ANKAR: variants seen among roughly 807,000 people sequenced by gnomAD.
The protein encoded by ANKAR is ankyrin and armadillo repeat-containing protein.
Under a neutral mutation model 146.2 loss-of-function variants are expected in ANKAR, and 136 were observed. The observed-to-expected ratio is 0.93, with a 90% confidence interval of 0.81 to 1.07. The LOEUF (loss-of-function observed/expected upper bound fraction) is 1.07, where lower values mean the gene tolerates loss of function less well. ANKAR is among the 50% of genes least tolerant of loss of function. The probability of loss-of-function intolerance (pLI) is 0.00; values close to 1 mark genes in which losing one functional copy is unlikely to be tolerated. For synonymous variants in ANKAR, 500 were observed against 575.8 expected, an observed-to-expected ratio of 0.87 and a Z score of 1.88; for missense variants, 1,567 against 1,679.9, an observed-to-expected ratio of 0.93 and a Z score of 1.18.
chr2:189,736,952 T>TG (rs1316874247), intron 17 of ANKAR, among the ~76,000 whole-genome samples: 1 of 151,852 alleles, frequency 6.6e-6, no homozygotes, highest in Non-Finnish European at 1.5e-5. Context: ...CACACGCCTT[T>TG]GGTCTTAGCT....
intron 19 of ANKAR, among the ~76,000 whole-genome samples, chr2:189,740,629 CATTG>C (rs1158237091): frequency 5.3e-5 from 8 of 152,022 alleles, no homozygotes; most frequent in Admixed American, 4.6e-4. Context: ...ATAAGCAATA[CATTG>C]ATTGATTTTA....
chr2:189,713,805 G>A (rs2040030943), intron 10 of ANKAR, among the ~76,000 whole-genome samples: 1 of 152,170 alleles, frequency 6.6e-6, no homozygotes, highest in Non-Finnish European at 1.5e-5. Flanking sequence ...CCAATTAAAA[G>A]ACACGGACTG....
intron 12 of ANKAR, among the ~76,000 whole-genome samples, chr2:189,723,501 G>A (rs2041536030): frequency 6.6e-6 from 1 of 152,076 alleles, no homozygotes; most frequent in African/African-American, 2.4e-5. Context: ...GTTTCAAACT[G>A]AGAAAAACTT....
chr2:189,681,750 ATGAGCTTGGGGC>A (rs2034727384), intron 2 of ANKAR, among the ~76,000 whole-genome samples: 1 of 152,156 alleles, frequency 6.6e-6, no homozygotes, highest in South Asian at 2.1e-4. Flanking sequence ...GAGGTATTCA[ATGAGCTTGGGGC>A]TGCAGCAATT....
rs17271239 is a variant in ANKAR at position 189,689,736 on chromosome 2, A to G, written c.811A>G (p.Asn271Asp). 0.016 allele frequency: 25,749 copies of G among 1,612,962 alleles called. 287 individuals are homozygous for G. Among genetic ancestry groups the G allele is most frequent in the Non-Finnish European group, 0.018 (21,122 of 1,179,132 alleles). ...ATTTGAAACAGGCTATTGGCTTACT[A>G]ATGCTATAAAATATAATCAGGATTA... ...FIFETGYWLT[N>D]AIKYNQDYLD... is the part of the protein sequence containing the mutation. The change falls in exon 3 of 23, where the codon AAT becomes GAT. Residue 271 changes from asparagine (N) to aspartate (D), a missense_variant. By Grantham distance (23) the Asn-to-Asp change is conservative (BLOSUM62 1). Coordinates refer to ENST00000684021, the MANE Select transcript of ANKAR (RefSeq NM_001378068.1).
chr2:189,738,485 A>AC (rs2043048508), intron 18 of ANKAR, 80 bp from the exon 19 acceptor site: 5 of 882,014 alleles, frequency 5.7e-6, no homozygotes, highest in East Asian at 5.0e-5. Context: ...TAAAAAAAAA[A>AC]CATAAAAAAT....
Position 189,677,101 on chromosome 2 carries a change from T to G in ANKAR, c.601+10T>G, listed in dbSNP as rs1424622068. The G allele has an allele frequency of 6.7e-7, 1 of 1,487,296 alleles. No homozygotes were observed. Among genetic ancestry groups the G allele is most frequent in the African/African-American group, 1.4e-5 (1 of 70,182 alleles). 92.1% of individuals were successfully genotyped at this position (1,487,296 alleles called of 1,614,324 possible). ...GAGTTTAGTTCAGCAGGTAAGAGAA[T>G]TTAACACTTCTTAAATTTTTTTTTT... is the stretch of plus-strand genomic sequence containing the variant. On this transcript the variant is annotated intron_variant, in intron 2 of 22. Coordinates refer to ENST00000684021, the MANE Select transcript of ANKAR (RefSeq NM_001378068.1).
At chr2:189,753,845 G>A in intron 18 of ANKAR, 1 of 1,506,800 alleles carries the variant, frequency 6.6e-7, no homozygotes, top group Non-Finnish European at 9.0e-7. Context: ...CTAAACACAA[G>A]GTCAAGGTCT....
At chr2:189,718,939 C>T (rs1259312810) in intron 10 of ANKAR, among the ~76,000 whole-genome samples, 1 of 150,940 alleles carries the variant, frequency 6.6e-6, no homozygotes, top group African/African-American at 2.4e-5. Flanking sequence ...TTAGTAGAGA[C>T]GGGGTTTCAC....
intron 8 of ANKAR, among the ~76,000 whole-genome samples, chr2:189,705,800 G>T (rs2038852266): frequency 6.6e-6 from 1 of 151,998 alleles, no homozygotes; most frequent in African/African-American, 2.4e-5. Context: ...TTTTAGCTGC[G>T]GATCAGTATT....
chr2:189,728,349 T>G lies in ANKAR; in HGVS notation c.2960T>G (p.Met987Arg), dbSNP rs1243289607. 18 of 1,613,326 alleles carry G rather than the reference T, an allele frequency of 1.1e-5. No homozygotes were observed. Among genetic ancestry groups the G allele is most frequent in the African/African-American group, 2.7e-5 (2 of 74,932 alleles). Residue 987 changes from methionine to arginine, a missense_variant, in exon 14 of 23, where the codon ATG becomes AGG. Coordinates refer to ENST00000684021, the MANE Select transcript of ANKAR (RefSeq NM_001378068.1). ...AGQTLKQQKY[M>R]AEQIGYSFII... ...CAAACACTAAAACAACAAAAATATA[T>G]GGCAGAACAAATTGGATACAGCTTT...
intron 18 of ANKAR, among the ~76,000 whole-genome samples, chr2:189,751,790 A>G (rs1239526604): frequency 1.3e-5 from 2 of 149,700 alleles, no homozygotes; most frequent in African/African-American, 4.9e-5. Context: ...TGTTCAAAAT[A>G]TAATTATTTA....
chr2:189,694,250 T>A (rs1478403004), intron 5 of ANKAR, among the ~76,000 whole-genome samples: 1 of 151,962 alleles, frequency 6.6e-6, no homozygotes, highest in Non-Finnish European at 1.5e-5. Context: ...AATACTGTAT[T>A]TACAGCAATA....
At chr2:189,710,764 T>A (rs766806867) in intron 9 of ANKAR, among the ~76,000 whole-genome samples, 5 of 152,148 alleles carry the variant, frequency 3.3e-5, no homozygotes, top group Non-Finnish European at 5.9e-5. Flanking sequence ...ATCATGCCAT[T>A]GCACTCCAGC....
chr2:189,696,398 T>C (rs1360275178), intron 7 of ANKAR, 29 bp downstream of exon 7: 1 of 1,590,476 alleles, frequency 6.3e-7, no homozygotes, highest in Non-Finnish European at 8.6e-7. Flanking sequence ...ACCTAAAATG[T>C]TGTTATTTTA....
chr2:189,730,549 C>T lies in ANKAR; in HGVS notation c.3248C>T (p.Ala1083Val). Residue 1083 changes from alanine (A) to valine (V), a missense_variant, in exon 16 of 23, where the codon GCC (alanine) becomes GTC (valine). Transcript: ENST00000684021. ...VSQQLVVDEN[A>V]FPVLIQLLRN... ...CAACAATTGGTTGTAGATGAAAATG[C>T]CTTTCCAGTACTTATCCAACTACTA... 1.2e-6 allele frequency: 2 copies of T among 1,605,190 alleles called. No individual in the cohort carries two copies. Among genetic ancestry groups the T allele is most frequent in the Non-Finnish European group, 1.7e-6 (2 of 1,175,016 alleles).
intron 2 of ANKAR, among the ~76,000 whole-genome samples, chr2:189,684,891 C>T (rs1276508734): frequency 2.0e-5 from 3 of 151,614 alleles, no homozygotes; most frequent in African/African-American, 4.8e-5. Flanking sequence ...CCTCATTCCC[C>T]TCATCCTCCA....
intron 10 of ANKAR, among the ~76,000 whole-genome samples, chr2:189,718,308 A>C (rs113523259): frequency 6.6e-6 from 1 of 151,476 alleles, no homozygotes; most frequent in Non-Finnish European, 1.5e-5. Context: ...ATATCTATCT[A>C]TATATCTATC....
downstream of ANKAR, chr2:189,762,777 G>C: frequency 1.0e-6 from 1 of 985,494 alleles, no homozygotes; most frequent in African/African-American, 1.7e-5. Flanking sequence ...GCCCGAACCT[G>C]GCGCCCGGAA....
Sources: allele counts gnomAD v4.1 joint callset (sites outside exome capture counted in the v4.1 genomes callset), GRCh38; gene constraint gnomAD v4.1.1; transcripts MANE v1.5; gene names NCBI Gene and HGNC (gene_info 2026-07-23, HGNC 2026-07-21).